CPXM2: variants seen among roughly 807,000 people sequenced by gnomAD.
CPXM2 encodes the protein carboxypeptidase X, M14 family member 2.
In CPXM2, 66 loss-of-function variants were observed where a neutral mutation model predicts 86.1. That is an observed-to-expected ratio of 0.77 (90% CI 0.63 to 0.94). CPXM2 has a LOEUF of 0.94. CPXM2 is among the 40% of genes least tolerant of loss of function. CPXM2 has a pLI of 0.00. For synonymous variants in CPXM2, 388 were observed against 400.2 expected, an observed-to-expected ratio of 0.97 and a Z score of 0.36; for missense variants, 948 against 1,026.3, an observed-to-expected ratio of 0.92 and a Z score of 1.04.
At chr10:123,906,583 A>G (rs984002156) in intron 2 of CPXM2, among the ~76,000 whole-genome samples, 6 of 152,228 alleles carry the variant, frequency 3.9e-5, no homozygotes, top group Non-Finnish European at 8.8e-5. Flanking sequence ...AAGCTGCAAC[A>G]CTTCATAAAA....
intron 11 of CPXM2, among the ~76,000 whole-genome samples, chr10:123,761,468 T>G (rs574915969): frequency 6.6e-6 from 1 of 152,216 alleles, no homozygotes; most frequent in East Asian, 1.9e-4. Flanking sequence ...ACCAGCATGC[T>G]CTCCACCCCT....
chr10:123,886,584 A>G (rs981883227), intron 1 of CPXM2, among the ~76,000 whole-genome samples: 2 of 152,186 alleles, frequency 1.3e-5, no homozygotes, highest in African/African-American at 4.8e-5. Context: ...GCTCAAGACT[A>G]TGGCGATGAT....
intron 2 of CPXM2, among the ~76,000 whole-genome samples, chr10:123,918,077 C>T (rs17680447): frequency 0.014 from 2,195 of 152,212 alleles, 31 homozygotes; most frequent in Middle Eastern, 0.027. Context: ...ATATGGGCAG[C>T]GCATTCCAAT....
At chr10:123,864,912 G>C (rs1435561301) in intron 2 of CPXM2, among the ~76,000 whole-genome samples, 1 of 152,208 alleles carries the variant, frequency 6.6e-6, no homozygotes, top group Non-Finnish European at 1.5e-5. Context: ...ATACATAAGG[G>C]GTGAAAAGAA....
intron 2 of CPXM2, among the ~76,000 whole-genome samples, chr10:123,877,916 A>G (rs1053307053): frequency 6.6e-6 from 1 of 152,188 alleles, no homozygotes; most frequent in Admixed American, 6.5e-5. Flanking sequence ...ATCCACTCTC[A>G]TAACTCAATG....
At chr10:123,846,867 T>G (rs1370358064) in intron 3 of CPXM2, among the ~76,000 whole-genome samples, 3 of 152,198 alleles carry the variant, frequency 2.0e-5, no homozygotes, top group African/African-American at 4.8e-5. Context: ...TGAAGGTTTT[T>G]TTTGTTTGTT....
In CPXM2 at chr10:123,885,105, G is replaced by C. The variant is rs1590101183; in HGVS notation, c.305-4796C>G. ...GCTTTGGGCACAGTGCTGTATGTGGGAGGAGATTTCAAGTAGCACAGGTGA... is the reference window on the plus strand; with the variant it reads ...GCTTTGGGCACAGTGCTGTATGTGGCAGGAGATTTCAAGTAGCACAGGTGA... On this transcript the variant is annotated intron_variant, in intron 1 of 13. Transcript: ENST00000241305. This position sits in a 1 kb window ranked among gnomAD's most constrained non-coding sequence, Gnocchi z 4.0. Among the ~76,000 whole-genome samples, 1 of 152,186 alleles carries C rather than the reference G, an allele frequency of 6.6e-6. No individual in the cohort carries two copies. The highest frequency in any genetic ancestry group is 2.4e-5 in the African/African-American group (1 of 41,454).
At position 123,865,297 on chromosome 10, in the gene CPXM2, G is replaced by A. The variant is rs970693191; in HGVS notation, c.404-2574C>T. ...CTCCATTGCCCGTGCCACTTACAAA[G>A]AAGCTAGAGATTCCACACAGAGAAA... On this transcript the variant is annotated intron_variant, in intron 2 of 13. Transcript: ENST00000241305. This position sits in a 1 kb window ranked among gnomAD's most constrained non-coding sequence, Gnocchi z 4.7. 5.3e-5 allele frequency among the ~76,000 whole-genome samples: 8 copies of A among 152,210 alleles called. No individual in the cohort carries two copies. Among genetic ancestry groups the A allele is most frequent in the Non-Finnish European group, 1.0e-4 (7 of 68,044 alleles).
intron 2 of CPXM2, among the ~76,000 whole-genome samples, chr10:123,874,464 T>G (rs1014787308): frequency 5.3e-5 from 8 of 151,902 alleles, no homozygotes; most frequent in African/African-American, 1.7e-4. Context: ...TGTGGGGACA[T>G]GATCAGTTTA....
intron 4 of CPXM2, among the ~76,000 whole-genome samples, chr10:123,836,510 G>A (rs761345576): frequency 2.6e-5 from 4 of 152,100 alleles, no homozygotes; most frequent in Non-Finnish European, 5.9e-5. Flanking sequence ...ACTGCCCCTG[G>A]TGAACATACC....
chr10:123,860,832 T>C (rs1232879179), intron 3 of CPXM2, among the ~76,000 whole-genome samples: 1 of 152,246 alleles, frequency 6.6e-6, no homozygotes, highest in Non-Finnish European at 1.5e-5. Context: ...GTTGTGCACA[T>C]CCAAATATTT....
intron 2 of CPXM2, among the ~76,000 whole-genome samples, chr10:123,898,427 T>A (rs995878620): frequency 6.6e-6 from 1 of 152,132 alleles, no homozygotes; most frequent in Non-Finnish European, 1.5e-5. Flanking sequence ...GAATAGCCAC[T>A]GAACTCCAGC....
At chr10:123,893,067 G>T (rs1323559904), upstream of CPXM2, among the ~76,000 whole-genome samples, 1 of 152,238 alleles carries the variant, frequency 6.6e-6, no homozygotes, top group Admixed American at 6.5e-5. Flanking sequence ...ATCTTGAGTG[G>T]TGACCTTAAC....
At chr10:123,875,323 C>T (rs902496978) in intron 2 of CPXM2, among the ~76,000 whole-genome samples, 22 of 152,288 alleles carry the variant, frequency 1.4e-4, no homozygotes, top group African/African-American at 5.1e-4. Flanking sequence ...GCCCACATTT[C>T]TTGGGCTTCC....
intron 2 of CPXM2, chr10:123,913,649 G>A (rs1945508720): frequency 6.1e-6 from 1 of 163,896 alleles, no homozygotes; most frequent in Non-Finnish European, 1.3e-5. Context: ...AATAAAAATA[G>A]AGGAAAGAAA....
intron 10 of CPXM2, 55 bp downstream of exon 10, chr10:123,766,918 T>C: frequency 1.5e-6 from 2 of 1,368,560 alleles, no homozygotes; most frequent in Non-Finnish European, 2.1e-6. Flanking sequence ...CAAATACCAA[T>C]GGAGGTTAAG....
rs148273198 is a variant in CPXM2, at chr10:123,871,780, T to G, written c.403+8431A>C. Among the ~76,000 whole-genome samples the G allele has an allele frequency of 5.5e-4, 83 of 152,284 alleles. No individual in the cohort carries two copies. In the East Asian group the frequency reaches 0.015, roughly 28 times the overall value. ...AGACACTTCTACTAGAGTTAAAAAG[T>G]GAGCCAAGAAGTGGGATATTCACTA... On this transcript the variant is annotated intron_variant, in intron 2 of 13. Transcript: ENST00000241305.
intron 6 of CPXM2, among the ~76,000 whole-genome samples, chr10:123,787,176 T>C (rs781513886): frequency 2.6e-5 from 4 of 152,058 alleles, no homozygotes; most frequent in Non-Finnish European, 5.9e-5. Flanking sequence ...AGCTGGGCTG[T>C]GAGCTATGCT....
At chr10:123,810,394 T>C (rs937201536) in intron 4 of CPXM2, among the ~76,000 whole-genome samples, 7 of 151,994 alleles carry the variant, frequency 4.6e-5, no homozygotes, top group African/African-American at 1.2e-4. Context: ...TAAAAACCTT[T>C]ATGTAATGAA....
Sources: allele counts gnomAD v4.1 joint callset (sites outside exome capture counted in the v4.1 genomes callset), GRCh38; gene constraint gnomAD v4.1.1; non-coding constraint Gnocchi (gnomAD v3.1); transcripts MANE v1.5; gene names NCBI Gene and HGNC (gene_info 2026-07-23, HGNC 2026-07-21).